Variants in GALNT14 observed in about 807,000 individuals in gnomAD.
The protein encoded by GALNT14 is polypeptide N-acetylgalactosaminyltransferase 14, also known as UDP-GalNAc:polypeptide N-acetylgalactosaminyltransferase 14.
A neutral mutation model predicts 77.5 loss-of-function variants in GALNT14; 60 were observed. The observed-to-expected ratio is 0.77, with a 90% CI of 0.63 to 0.96. GALNT14 has a LOEUF of 0.96. GALNT14 is among the 40% of genes least tolerant of loss of function. GALNT14 has a pLI of 0.00. For synonymous variants in GALNT14, 280 were observed against 281.7 expected (o/e 0.99, Z 0.06); for missense variants, 710 against 731.0 (o/e 0.97, Z 0.33).
At chr2:31,085,885 C>A (rs1167263692) in intron 1 of GALNT14, among the ~76,000 whole-genome samples, 1 of 152,214 alleles carries the variant, frequency 6.6e-6, no homozygotes, top group Non-Finnish European at 1.5e-5. Flanking sequence ...GCCTCACAAT[C>A]ATGCAGAAGG....
chr2:30,904,175 A>G, the GALNT14 span, among the ~76,000 whole-genome samples: 10 of 152,220 alleles, frequency 6.6e-5, no homozygotes, highest in Non-Finnish European at 1.0e-4. Context: ...GCAGGTGTGC[A>G]TCATCAATAG....
intron 1 of GALNT14, among the ~76,000 whole-genome samples, chr2:31,078,516 T>C (rs1675952446): frequency 6.6e-6 from 1 of 152,216 alleles, no homozygotes; most frequent in African/African-American, 2.4e-5. Flanking sequence ...GATCTAAGTC[T>C]GAATTTTTCA....
At chr2:30,893,085 C>A in the GALNT14 span, among the ~76,000 whole-genome samples, 4 of 151,876 alleles carry the variant, frequency 2.6e-5, no homozygotes, top group Admixed American at 2.0e-4. Flanking sequence ...AACAAAAAAA[C>A]AAAGAAATGA....
At chr2:31,127,962 G>GA in intron 1 of GALNT14, among the ~76,000 whole-genome samples, 1 of 152,228 alleles carries the variant, frequency 6.6e-6, no homozygotes, top group East Asian at 1.9e-4. Context: ...ATGCTCGGGG[G>GA]AAAAGGACAA....
chr2:30,917,443 C>A (rs1029532092), intron 13 of GALNT14, among the ~76,000 whole-genome samples: 1 of 152,196 alleles, frequency 6.6e-6, no homozygotes, highest in African/African-American at 2.4e-5. Context: ...CTGCAGGTGG[C>A]AGGCCTGTAT....
chr2:31,008,041 G>A (rs1670787577), intron 1 of GALNT14, among the ~76,000 whole-genome samples: 1 of 152,122 alleles, frequency 6.6e-6, no homozygotes, highest in South Asian at 2.1e-4. Context: ...TTCCCAAGAA[G>A]AGGAAGTCAA....
At chr2:31,084,553 G>C (rs1371235184) in intron 1 of GALNT14, among the ~76,000 whole-genome samples, 1 of 152,162 alleles carries the variant, frequency 6.6e-6, no homozygotes, top group Admixed American at 6.5e-5. Context: ...ATGGAGTGGG[G>C]TATATTCTTG....
intron 1 of GALNT14, among the ~76,000 whole-genome samples, chr2:31,124,160 C>T (rs1303849728): frequency 6.6e-6 from 1 of 152,204 alleles, no homozygotes; most frequent in African/African-American, 2.4e-5. Flanking sequence ...GCTCTGTCTC[C>T]CCATGCTTGA....
the GALNT14 span, among the ~76,000 whole-genome samples, chr2:30,891,368 A>G: frequency 6.6e-6 from 1 of 152,138 alleles, no homozygotes; most frequent in African/African-American, 2.4e-5. Context: ...CTTGAAACTT[A>G]ATTAGAGACT....
intron 2 of GALNT14, among the ~76,000 whole-genome samples, chr2:30,976,599 GCA>G (rs1317264646): frequency 1.8e-4 from 27 of 147,326 alleles, no homozygotes. Flanking sequence ...AGCTGTGTGT[GCA>G]TGTGCGTGTG....
At chr2:31,046,360 G>C (rs373690243) in intron 1 of GALNT14, among the ~76,000 whole-genome samples, 1 of 151,920 alleles carries the variant, frequency 6.6e-6, no homozygotes, top group Non-Finnish European at 1.5e-5. Flanking sequence ...CCAAGTAGCT[G>C]GGATTACAGG....
At chr2:30,897,417 A>C in the GALNT14 span, among the ~76,000 whole-genome samples, 3 of 152,192 alleles carry the variant, frequency 2.0e-5, no homozygotes, top group Admixed American at 2.0e-4. Flanking sequence ...GGTAGCTCCC[A>C]AACTGAAAAT....
chr2:31,012,839 C>T (rs1363647405), intron 1 of GALNT14, among the ~76,000 whole-genome samples: 1 of 151,962 alleles, frequency 6.6e-6, no homozygotes, highest in African/African-American at 2.4e-5. Flanking sequence ...AACAACTAAA[C>T]AAATGGAAGG....
chr2:30,912,365 G>A (rs933735980), intron 13 of GALNT14, 23 bp from the exon 14 acceptor site: 3 of 1,612,500 alleles, frequency 1.9e-6, no homozygotes, highest in Non-Finnish European at 8.5e-7. Flanking sequence ...AGACCAGGAA[G>A]GTTTGTTCAG....
chr2:31,027,427 C>CAAAA (rs539336965), intron 1 of GALNT14, among the ~76,000 whole-genome samples: 2 of 58,802 alleles, frequency 3.4e-5, no homozygotes, highest in South Asian at 6.6e-4. Flanking sequence ...CAAAACAAAG[C>CAAAA]AAAAAAAAAA....
At chr2:30,973,156 T>C (rs1041590816) in intron 2 of GALNT14, among the ~76,000 whole-genome samples, 6 of 152,044 alleles carry the variant, frequency 3.9e-5, no homozygotes, top group Non-Finnish European at 1.5e-5. Flanking sequence ...AAACATAAAG[T>C]GGGAATGGGA....
At chr2:31,116,014 TC>T (rs1470677695) in intron 1 of GALNT14, among the ~76,000 whole-genome samples, 1 of 152,082 alleles carries the variant, frequency 6.6e-6, no homozygotes, top group Non-Finnish European at 1.5e-5. Context: ...GAGAGACAGA[TC>T]CTGTCTCCAA....
At chr2:31,005,726 G>C (rs938873602) in intron 1 of GALNT14, among the ~76,000 whole-genome samples, 4 of 152,136 alleles carry the variant, frequency 2.6e-5, no homozygotes, top group African/African-American at 9.7e-5. Context: ...GTGAGAATTG[G>C]TCATTATCAA....
chr2:30,992,786 T>C (rs1356129343), intron 2 of GALNT14, 52 bp downstream of exon 2: 2 of 1,585,268 alleles, frequency 1.3e-6, no homozygotes, highest in Non-Finnish European at 1.7e-6. Context: ...TCAAGCCTGC[T>C]GTTGATCTCT....
Sources: gnomAD v4.1 joint callset for allele counts (sites outside exome capture counted in the v4.1 genomes callset) on GRCh38, gnomAD v4.1.1 for gene constraint, MANE v1.5 for transcripts, NCBI Gene and HGNC (gene_info 2026-07-23, HGNC 2026-07-21) for gene names.